Variants in ANKRD6 observed in about 807,000 individuals in gnomAD.
ANKRD6 encodes ankyrin repeat domain-containing protein 6.
Under a neutral mutation model 82.3 loss-of-function variants are expected in ANKRD6, and 56 were observed. That is an observed-to-expected ratio of 0.68 (90% CI 0.55 to 0.85). The LOEUF (loss-of-function observed/expected upper bound fraction) is 0.85. Among genes scored for constraint, ANKRD6 ranks in the 40% least tolerant of loss-of-function variants. The pLI is 0.00. For synonymous variants in ANKRD6, 347 were observed against 352.1 expected (o/e 0.99, Z 0.16); for missense variants, 852 against 907.6 (o/e 0.94, Z 0.79).
chr6:89,549,226 G>A (rs1562786170), intron 1 of ANKRD6, among the ~76,000 whole-genome samples: 1 of 152,058 alleles, frequency 6.6e-6, no homozygotes, highest in Non-Finnish European at 1.5e-5. Flanking sequence ...AAGAAAAAAG[G>A]AAAAAGTTTA....
chr6:89,525,691 A>G (rs1356568710), intron 1 of ANKRD6, among the ~76,000 whole-genome samples: 1 of 152,228 alleles, frequency 6.6e-6, no homozygotes, highest in Non-Finnish European at 1.5e-5. Context: ...AAAGCTATAC[A>G]TAGTTATGAG....
chr6:89,487,095 C>T (rs2127826957), intron 1 of ANKRD6, among the ~76,000 whole-genome samples: 1 of 152,256 alleles, frequency 6.6e-6, no homozygotes, highest in Non-Finnish European at 1.5e-5. Context: ...AGCCCTGACA[C>T]TTATTAACTG....
At chr6:89,592,094 C>T (rs953099687) in intron 2 of ANKRD6, among the ~76,000 whole-genome samples, 23 of 152,266 alleles carry the variant, frequency 1.5e-4, no homozygotes, top group Admixed American at 9.8e-4. Flanking sequence ...CCACAGTTTA[C>T]GTTTCAAAAA....
chr6:89,495,122 T>C (rs1185477914), intron 1 of ANKRD6, among the ~76,000 whole-genome samples: 1 of 152,136 alleles, frequency 6.6e-6, no homozygotes, highest in Non-Finnish European at 1.5e-5. Flanking sequence ...TAGTCCCAGT[T>C]ACTCGGGAGG....
chr6:89,616,965 C>A, intron 8 of ANKRD6: 1 of 532,172 alleles, frequency 1.9e-6, no homozygotes, highest in Non-Finnish European at 3.6e-6. Context: ...AAGTGAGTTC[C>A]AAGCTGTAAA....
chr6:89,494,532 A>C (rs1464514647), intron 1 of ANKRD6, among the ~76,000 whole-genome samples: 2 of 152,228 alleles, frequency 1.3e-5, no homozygotes, highest in African/African-American at 4.8e-5. Context: ...AGTGTTTTGC[A>C]TACTCACAAA....
chr6:89,490,182 T>G (rs1252559446), intron 1 of ANKRD6, among the ~76,000 whole-genome samples: 2 of 152,240 alleles, frequency 1.3e-5, no homozygotes, highest in African/African-American at 4.8e-5. Flanking sequence ...TTCTAGTTGT[T>G]GGTCATCGTA....
chr6:89,574,128 G>T (rs1027691810), intron 2 of ANKRD6, among the ~76,000 whole-genome samples: 1 of 152,196 alleles, frequency 6.6e-6, no homozygotes, highest in Non-Finnish European at 1.5e-5. Context: ...GTAGGCACCT[G>T]TTCTGCTGCT....
At chr6:89,445,382 T>A (rs574291019) in intron 1 of ANKRD6, among the ~76,000 whole-genome samples, 89 of 149,888 alleles carry the variant, frequency 5.9e-4, no homozygotes, top group African/African-American at 2.1e-3. Context: ...GTGATCCTCC[T>A]GCCTCAGCCC....
intron 1 of ANKRD6, among the ~76,000 whole-genome samples, chr6:89,533,145 G>A (rs911180449): frequency 1.4e-4 from 22 of 152,082 alleles, no homozygotes; most frequent in Admixed American, 5.2e-4. Flanking sequence ...AAAGTGGTGG[G>A]ATGACAGGCG....
chr6:89,617,194 G>T (rs542766342), intron 8 of ANKRD6, among the ~76,000 whole-genome samples: 120 of 152,338 alleles, frequency 7.9e-4, no homozygotes, highest in African/African-American at 2.7e-3. Flanking sequence ...GAATGGTTCA[G>T]CAGGGCCTGG....
Position 89,516,188 on chromosome 6 carries a change from G to A in ANKRD6, c.-143-50646G>A, listed in dbSNP as rs367932210. ...TTCTGGAAGAGATGAGCCTGTGACT[G>A]GATAGACTGAGTAGAGCAGATGGCC... On this transcript the variant is annotated intron_variant, in intron 1 of 15. Transcript: ENST00000339746. Among the ~76,000 whole-genome samples, 62 of 152,316 alleles carry A rather than the reference G, an allele frequency of 4.1e-4. No homozygotes were observed. The South Asian group carries it at 0.011, about 28-fold the overall frequency.
At chr6:89,587,234 T>C (rs1363240431) in intron 2 of ANKRD6, among the ~76,000 whole-genome samples, 1 of 149,822 alleles carries the variant, frequency 6.7e-6, no homozygotes, top group Non-Finnish European at 1.5e-5. Context: ...CTCACGCCTG[T>C]AATCCCAACA....
Position 89,500,972 on chromosome 6 carries a change from CTTTTTTTT to C in ANKRD6, c.-143-65849_-143-65842del, listed in dbSNP as rs35877637. Among the ~76,000 whole-genome samples, 194 of 121,824 alleles carry C rather than the reference CTTTTTTTT, an allele frequency of 1.6e-3. 1 individual carries two copies. Among genetic ancestry groups the C allele is most frequent in the Non-Finnish European group, 2.6e-3 (153 of 58,118 alleles). The allele number at this position is 121,824 out of a possible 152,430, so 79.9% of individuals were successfully genotyped here. On this transcript the variant is annotated intron_variant, in intron 1 of 15. Coordinates refer to ENST00000339746, the MANE Select transcript of ANKRD6 (RefSeq NM_001242809.2). ...CAGAAGAGGACTGTCCCCAATTAGT[CTTTTTTTT>C]TTTTTTTTTTTTCTAGCACAGAAAA...
intron 1 of ANKRD6, among the ~76,000 whole-genome samples, chr6:89,492,253 G>C (rs186082221): frequency 6.6e-6 from 1 of 152,158 alleles, no homozygotes; most frequent in Non-Finnish European, 1.5e-5. Flanking sequence ...GCCTGAGCGC[G>C]GATTTTGTGA....
intron 12 of ANKRD6, 145 bp from the exon 13 acceptor site, chr6:89,624,394 G>A: frequency 9.1e-7 from 1 of 1,103,888 alleles, no homozygotes; most frequent in Admixed American, 2.8e-5. Flanking sequence ...TGGCCTATAA[G>A]ATGTTCCAAA....
chr6:89,605,997 T>C lies in ANKRD6; in HGVS notation c.319-10T>C. 6.4e-7 allele frequency: 1 copy of C among 1,565,140 alleles called. No homozygotes were observed. The highest frequency in any genetic ancestry group is 8.7e-7 in the Non-Finnish European group (1 of 1,148,992). On this transcript the variant is annotated splice_polypyrimidine_tract_variant and intron_variant, in intron 4 of 15. Transcript: ENST00000339746. ...GTAATGTGCCTTTCCCACCTGTGTG[T>C]CTTCCTTAGGATGGGAATACAGCCT... is the stretch of plus-strand genomic sequence containing the variant.
At chr6:89,574,382 A>G (rs1790642309) in intron 2 of ANKRD6, among the ~76,000 whole-genome samples, 1 of 152,232 alleles carries the variant, frequency 6.6e-6, no homozygotes, top group Non-Finnish European at 1.5e-5. Flanking sequence ...CCTCAGAACC[A>G]TGGATTAGGC....
chr6:89,470,926 G>C (rs558186316), intron 1 of ANKRD6, among the ~76,000 whole-genome samples: 6 of 152,078 alleles, frequency 3.9e-5, no homozygotes, highest in Non-Finnish European at 8.8e-5. Flanking sequence ...CATGGATGTT[G>C]TCCAGTCACC....
Sources: allele counts gnomAD v4.1 joint callset (sites outside exome capture counted in the v4.1 genomes callset), GRCh38; gene constraint gnomAD v4.1.1; transcripts MANE v1.5; gene names NCBI Gene and HGNC (gene_info 2026-07-23, HGNC 2026-07-21).